MACROD2: variants seen among roughly 807,000 people sequenced by gnomAD.
The protein encoded by MACROD2 is mono-ADP ribosylhydrolase 2.
In MACROD2, 36 loss-of-function variants were observed where a neutral mutation model predicts 70.4. The observed-to-expected ratio is 0.51, with a 90% CI of 0.39 to 0.68. The LOEUF is 0.68. Ranked by LOEUF, MACROD2 falls within the 30% of genes least tolerant of loss-of-function variation. MACROD2 has a pLI of 0.00. For missense variants in MACROD2, 496 were observed against 538.4 expected, an observed-to-expected ratio of 0.92 and a Z score of 0.78; for synonymous variants, 172 against 178.8, an observed-to-expected ratio of 0.96 and a Z score of 0.30.
At chr20:14,746,763 A>G (rs1342292071) in intron 5 of MACROD2, among the ~76,000 whole-genome samples, 2 of 152,160 alleles carry the variant, frequency 1.3e-5, no homozygotes, top group Non-Finnish European at 2.9e-5. Context: ...GGGTTACTGT[A>G]GGTTTCAAAA....
intron 15 of MACROD2, among the ~76,000 whole-genome samples, chr20:16,037,288 A>G (rs1396489370): frequency 6.6e-6 from 1 of 151,994 alleles, no homozygotes; most frequent in Admixed American, 6.6e-5. Flanking sequence ...TTCACTAAGC[A>G]TTGTTTAATA....
At chr20:14,850,076 T>C (rs771231554) in intron 5 of MACROD2, 47 of 469,196 alleles carry the variant, frequency 1.0e-4, no homozygotes, top group Admixed American at 9.8e-4. Flanking sequence ...ATCTCAATAC[T>C]TGTGGCCAAA....
chr20:14,841,085 A>G (rs1464691314), intron 5 of MACROD2, among the ~76,000 whole-genome samples: 1 of 152,176 alleles, frequency 6.6e-6, no homozygotes, highest in Admixed American at 6.5e-5. Context: ...TTTATTGCTT[A>G]CACTCTAAAT....
chr20:15,723,295 TA>T (rs1475065630), intron 8 of MACROD2, among the ~76,000 whole-genome samples: 2 of 152,170 alleles, frequency 1.3e-5, no homozygotes, highest in East Asian at 3.8e-4. Context: ...ACATCATTAT[TA>T]CCCAAAATAC....
chr20:14,029,000 A>G (rs2053215714), intron 2 of MACROD2, among the ~76,000 whole-genome samples: 1 of 152,118 alleles, frequency 6.6e-6, no homozygotes. Flanking sequence ...TTTTCTTCTT[A>G]ACCATTGATA....
At chr20:15,345,121 T>C (rs919829933) in intron 6 of MACROD2, among the ~76,000 whole-genome samples, 8 of 152,204 alleles carry the variant, frequency 5.3e-5, no homozygotes, top group African/African-American at 1.9e-4. Flanking sequence ...ATGAGAGCTC[T>C]ATCCTTATGG....
chr20:15,798,319 C>T (rs1193980370), intron 8 of MACROD2, among the ~76,000 whole-genome samples: 1 of 152,170 alleles, frequency 6.6e-6, no homozygotes, highest in African/African-American at 2.4e-5. Flanking sequence ...GAAGCTCCTT[C>T]ATTCACATGT....
intron 8 of MACROD2, among the ~76,000 whole-genome samples, chr20:15,752,279 A>T (rs564858617): frequency 6.6e-6 from 1 of 151,560 alleles, no homozygotes; most frequent in Non-Finnish European, 1.5e-5. Context: ...CCTTTAAACT[A>T]CCTAACTGCA....
chr20:15,085,870 C>CA (rs34851437), intron 5 of MACROD2, among the ~76,000 whole-genome samples: 115 of 109,946 alleles, frequency 1.0e-3, no homozygotes, highest in African/African-American at 3.7e-3. Context: ...CACACACACA[C>CA]ACAACACACA....
At chr20:15,841,416 G>A (rs961846072) in intron 8 of MACROD2, among the ~76,000 whole-genome samples, 1 of 152,156 alleles carries the variant, frequency 6.6e-6, no homozygotes, top group African/African-American at 2.4e-5. Context: ...AGCTGTGCAG[G>A]AAGCATCATG....
intron 8 of MACROD2, among the ~76,000 whole-genome samples, chr20:15,773,071 T>C (rs1233216171): frequency 6.6e-6 from 1 of 152,130 alleles, no homozygotes; most frequent in Non-Finnish European, 1.5e-5. Flanking sequence ...CCTTATTTGA[T>C]GCAGAGATAG....
At chr20:14,032,469 A>C (rs907653925) in intron 2 of MACROD2, among the ~76,000 whole-genome samples, 4 of 152,208 alleles carry the variant, frequency 2.6e-5, no homozygotes, top group Admixed American at 6.5e-5. Context: ...AAAGGTACAA[A>C]TAATCCCTGA....
intron 3 of MACROD2, among the ~76,000 whole-genome samples, chr20:14,469,227 G>T (rs1389862923): frequency 6.6e-6 from 1 of 152,070 alleles, no homozygotes; most frequent in Non-Finnish European, 1.5e-5. Flanking sequence ...GTTGAAAATT[G>T]TTTTCTTTAA....
At chr20:15,126,191 T>A (rs900808361) in intron 5 of MACROD2, among the ~76,000 whole-genome samples, 26 of 151,188 alleles carry the variant, frequency 1.7e-4, no homozygotes, top group Non-Finnish European at 1.0e-4. Context: ...TGAACATATG[T>A]TTTCAGTTAT....
chr20:15,261,925 C>G (rs1375062135), intron 6 of MACROD2, among the ~76,000 whole-genome samples: 3 of 151,660 alleles, frequency 2.0e-5, no homozygotes, highest in African/African-American at 7.3e-5. Flanking sequence ...TTTGTGGGTA[C>G]ATGGTAGGTG....
intron 3 of MACROD2, among the ~76,000 whole-genome samples, chr20:14,470,446 C>T (rs2123044760): frequency 6.6e-6 from 1 of 152,180 alleles, no homozygotes; most frequent in East Asian, 1.9e-4. Flanking sequence ...CTTAGCAGAG[C>T]TCAAGTGCTG....
Position 15,744,693 on chromosome 20 carries a change from T to TACACACAC in MACROD2, c.646-118015_646-118008dup, listed in dbSNP as rs11467530. ...GTTGCAAAGAGACAGAAACCAAGTA[T>TACACACAC]ACACACACACACACACACACACACA... is the stretch of plus-strand genomic sequence containing the variant. On this transcript the variant is annotated intron_variant, in intron 8 of 17. Transcript: ENST00000684519. 7.1e-4 allele frequency among the ~76,000 whole-genome samples: 106 copies of TACACACAC among 148,338 alleles called. 1 individual carries two copies. In the South Asian group the frequency reaches 0.013, roughly 18 times the overall value.
At chr20:15,294,811 T>C (rs1446130039) in intron 6 of MACROD2, among the ~76,000 whole-genome samples, 1 of 152,158 alleles carries the variant, frequency 6.6e-6, no homozygotes, top group South Asian at 2.1e-4. Flanking sequence ...AGTTAAAATA[T>C]CTTTACCTGG....
At position 14,398,468 on chromosome 20, in the gene MACROD2, A is replaced by G. The variant is rs991858397; in HGVS notation, c.272-95011A>G. Among the ~76,000 whole-genome samples the G allele has an allele frequency of 2.0e-5, 3 of 149,090 alleles. No homozygotes were observed. In the Admixed American group the frequency reaches 2.0e-4, roughly 10 times the overall value. On this transcript the variant is annotated intron_variant, in intron 3 of 17. Coordinates refer to ENST00000684519, the MANE Select transcript of MACROD2 (RefSeq NM_001351661.2). Reference sequence around the variant, plus strand: ...TCTAACTGGGGCGAGATGATATCTCATGTAGTTTTAATTTGCATTTCCCTG... The same window carrying G: ...TCTAACTGGGGCGAGATGATATCTCGTGTAGTTTTAATTTGCATTTCCCTG...
Sources: gnomAD v4.1 joint callset for allele counts (sites outside exome capture counted in the v4.1 genomes callset) on GRCh38, gnomAD v4.1.1 for gene constraint, MANE v1.5 for transcripts, NCBI Gene and HGNC (gene_info 2026-07-23, HGNC 2026-07-21) for gene names.